STAT3: variants seen among roughly 807,000 people sequenced by gnomAD.
STAT3 encodes signal transducer and activator of transcription 3, also known as DNA-binding protein APRF.
Under a neutral mutation model 114.3 loss-of-function variants are expected in STAT3, and 7 were observed. The ratio of observed to expected loss-of-function variants is 0.06; its 90% confidence interval spans 0.03 to 0.11. The LOEUF is 0.11. Ranked by LOEUF, STAT3 falls within the 10% of genes least tolerant of loss-of-function variation. The pLI, the probability that STAT3 is intolerant of heterozygous loss-of-function variation, is 1.00. For missense variants in STAT3, 364 were observed against 960.9 expected (o/e 0.38, Z 8.21); for synonymous variants, 331 against 354.5 (o/e 0.93, Z 0.74).
At chr17:42,380,889 G>A (rs2084753971) in intron 1 of STAT3, among the ~76,000 whole-genome samples, 1 of 152,108 alleles carries the variant, frequency 6.6e-6, no homozygotes, top group African/African-American at 2.4e-5. Flanking sequence ...CTCCAGCCTA[G>A]GTGACAGAGT....
chr17:42,354,045 A>C (rs767602937), intron 1 of STAT3, among the ~76,000 whole-genome samples: 1 of 152,060 alleles, frequency 6.6e-6, no homozygotes, highest in African/African-American at 2.4e-5. Flanking sequence ...CATATCCTAA[A>C]AACGTGTAAG....
At position 42,339,402 on chromosome 17, in the gene STAT3, C is replaced by A; in HGVS notation, c.380G>T (p.Gly127Val). 2 of 1,614,004 alleles carry A rather than the reference C, an allele frequency of 1.2e-6. No individual in the cohort carries two copies. The highest frequency in any genetic ancestry group is 1.7e-6 in the Non-Finnish European group (2 of 1,179,946). Reference protein sequence around the residue: ...QTAATAAQQGGQANHPTAAVV... With the variant: ...QTAATAAQQGVQANHPTAAVV... ...GGCTGCTGTGGGGTGGTTGGCCTGG[C>A]CCCCTTGCTGCCAAAAAGGAGGTCA... Residue 127 changes from glycine to valine, a missense_variant, in exon 5 of 24, where the codon GGC becomes GTC. Physicochemically the swap from Gly to Val is moderately radical, Grantham distance 109. Around this residue, in one of 5 missense-constraint regions of STAT3, gnomAD observed 294 missense variants for 745.1 expected, o/e 0.39. Coordinates refer to ENST00000264657, the MANE Select transcript of STAT3 (RefSeq NM_139276.3).
intron 1 of STAT3, among the ~76,000 whole-genome samples, chr17:42,366,643 C>T (rs983124152): frequency 1.3e-4 from 18 of 137,578 alleles, no homozygotes; most frequent in African/African-American, 4.9e-4. Flanking sequence ...TGCACTCCAG[C>T]CTGGGAGACA....
chr17:42,360,676 A>G (rs2083467320), intron 1 of STAT3, among the ~76,000 whole-genome samples: 1 of 152,086 alleles, frequency 6.6e-6, no homozygotes. Flanking sequence ...GTTGATTTTT[A>G]AGTAACCCAC....
chr17:42,382,821 T>C (rs1432975096), intron 1 of STAT3, among the ~76,000 whole-genome samples: 1 of 151,526 alleles, frequency 6.6e-6, no homozygotes, highest in African/African-American at 2.4e-5. Context: ...TAATTTTTTG[T>C]ATTTTTAGTA....
At chr17:42,363,438 G>A (rs985221741) in intron 1 of STAT3, among the ~76,000 whole-genome samples, 1 of 151,830 alleles carries the variant, frequency 6.6e-6, no homozygotes, top group African/African-American at 2.4e-5. Context: ...CCTCTCTCCA[G>A]CCTACAGATG....
intron 1 of STAT3, among the ~76,000 whole-genome samples, chr17:42,354,067 T>C (rs2083102551): frequency 6.6e-6 from 1 of 152,166 alleles, no homozygotes; most frequent in African/African-American, 2.4e-5. Flanking sequence ...TATTGAAAAT[T>C]ATCTAATTCA....
Position 42,315,564 on chromosome 17 carries a change from T to C in STAT3, c.*181A>G. The C allele has an allele frequency of 1.5e-6, 1 of 666,898 alleles. No homozygotes were observed. The highest frequency in any genetic ancestry group is 2.7e-6 in the Non-Finnish European group (1 of 372,756). The allele number at this position is 666,898 out of a possible 1,614,324, so 41.3% of individuals were successfully genotyped here. ...ATAAAAGCAGATCACCCACATTCAC[T>C]CATTTCTCTATTTTTAAAAGTGCCC... On this transcript the variant is annotated 3_prime_UTR_variant, in exon 24 of 24. Coordinates refer to ENST00000264657, the MANE Select transcript of STAT3 (RefSeq NM_139276.3).
chr17:42,380,412 TCTCA>T lies in STAT3; in HGVS notation c.-24+7863_-24+7866del, dbSNP rs2084716605. Among the ~76,000 whole-genome samples the T allele has an allele frequency of 2.0e-5, 3 of 151,670 alleles. No individual in the cohort carries two copies. In the South Asian group the frequency reaches 6.3e-4, roughly 32 times the overall value. ...GTTTTTCGGTTTTTTTGAGACAGAG[TCTCA>T]CTCTGTCACCCAGGCTGTAGTGCAG... On this transcript the variant is annotated intron_variant, in intron 1 of 23. Coordinates refer to ENST00000264657, the MANE Select transcript of STAT3 (RefSeq NM_139276.3).
At chr17:42,370,729 G>A (rs1037831318) in intron 1 of STAT3, among the ~76,000 whole-genome samples, 1 of 150,794 alleles carries the variant, frequency 6.6e-6, no homozygotes, top group Non-Finnish European at 1.5e-5. Flanking sequence ...CCAAGTTCAA[G>A]CATGCACCAC....
rs201283409 is a variant in STAT3, at chr17:42,324,675, C to T, written c.1600+36G>A. 103 of 1,314,036 alleles carry T rather than the reference C, an allele frequency of 7.8e-5. 1 individual carries two copies. The highest frequency in any genetic ancestry group is 6.8e-4 in the South Asian group (49 of 72,076). 81.4% of individuals were successfully genotyped at this position (1,314,036 alleles called of 1,614,324 possible). On this transcript the variant is annotated intron_variant, in intron 17 of 23. Coordinates refer to ENST00000264657, the MANE Select transcript of STAT3 (RefSeq NM_139276.3). The surrounding 1 kb of genome is among the most constrained non-coding windows in gnomAD (Gnocchi z 4.5). ...CTATGGGCCGGATCCCTTTTCTGGG[C>T]GGGTGGGCGGGAGGGAGAAGGGGTG...
chr17:42,363,102 C>A (rs3785898), intron 1 of STAT3, among the ~76,000 whole-genome samples: 45,952 of 151,946 alleles, frequency 0.3, 7,273 homozygotes, highest in East Asian at 0.4. Context: ...ATAATAGGTG[C>A]TGAAAAAATA....
In STAT3 at chr17:42,313,993, G is replaced by A. The variant is rs1598375032; in HGVS notation, c.*1752C>T. On this transcript the variant is annotated 3_prime_UTR_variant, in exon 24 of 24. Transcript: ENST00000264657. Reference sequence around the variant, plus strand: ...ATCAGCTGAGGCAAGGTGGTTTTGAGTTGCCAAATCCGGCCATGCCTCTGA... The same window carrying A: ...ATCAGCTGAGGCAAGGTGGTTTTGAATTGCCAAATCCGGCCATGCCTCTGA... The A allele has an allele frequency of 4.3e-6, 1 of 231,098 alleles. No homozygotes were observed. Among genetic ancestry groups the A allele is most frequent in the Non-Finnish European group, 8.6e-6 (1 of 116,666 alleles). The allele number at this position is 231,098 out of a possible 1,614,324, so 14.3% of individuals were successfully genotyped here. A position where few individuals can be genotyped will look rare whatever the true frequency, so the allele number is the denominator to read the frequency against.
rs112987296 is a variant in STAT3, at chr17:42,384,494, A to G, written c.-24+3785T>C. Reference sequence around the variant, plus strand: ...ACTGAAATTCCTTGGTCCTGTATTCAATGTCTTTTGTAAGTAATCACTTCT... The same window carrying G: ...ACTGAAATTCCTTGGTCCTGTATTCGATGTCTTTTGTAAGTAATCACTTCT... On this transcript the variant is annotated intron_variant, in intron 1 of 23. Transcript: ENST00000264657. Among the ~76,000 whole-genome samples, 253 of 151,930 alleles carry G rather than the reference A, an allele frequency of 1.7e-3. 1 individual carries two copies. Among genetic ancestry groups the G allele is most frequent in the Middle Eastern group, 6.8e-3 (2 of 294 alleles).
chr17:42,326,150 T>G lies in STAT3; in HGVS notation c.1331A>C (p.Glu444Ala), dbSNP rs771888821. 3 of 1,613,978 alleles carry G rather than the reference T, an allele frequency of 1.9e-6. No individual in the cohort carries two copies. Among genetic ancestry groups the G allele is most frequent in the South Asian group, 1.1e-5 (1 of 91,086 alleles). ...AATCTTGAGGCCTTGGTGATACACC[T>G]CGGTCTCAAAGGTGATCAGGTGCAG... ...EELHLITFET[E>A]VYHQGLKIDL... The change falls in exon 15 of 24, where the codon GAG becomes GCG. Residue 444 changes from glutamate to alanine, a missense_variant. Around this residue, in one of 5 missense-constraint regions of STAT3, gnomAD observed 294 missense variants for 745.1 expected, o/e 0.39. Coordinates refer to ENST00000264657, the MANE Select transcript of STAT3 (RefSeq NM_139276.3).
intron 14 of STAT3, among the ~76,000 whole-genome samples, chr17:42,328,222 T>C (rs1250679404): frequency 6.6e-6 from 1 of 152,102 alleles, no homozygotes; most frequent in Non-Finnish European, 1.5e-5. Flanking sequence ...TTTCTTAATA[T>C]ACATATGAAT....
chr17:42,324,949 G>T lies in STAT3; in HGVS notation c.1464+14C>A. ...GAGATCCCGGGGCACCAACTAAAAG[G>T]AGGGGGCACTAACCTTGGGATTGTT... On this transcript the variant is annotated intron_variant, in intron 16 of 23. Coordinates refer to ENST00000264657, the MANE Select transcript of STAT3 (RefSeq NM_139276.3). The surrounding 1 kb of genome is among the most constrained non-coding windows in gnomAD (Gnocchi z 4.5). The T allele has an allele frequency of 6.2e-7, 1 of 1,614,182 alleles. No individual in the cohort carries two copies. Among genetic ancestry groups the T allele is most frequent in the Non-Finnish European group, 8.5e-7 (1 of 1,180,036 alleles).
At chr17:42,345,129 G>C (rs2144971746) in intron 4 of STAT3, among the ~76,000 whole-genome samples, 1 of 152,024 alleles carries the variant, frequency 6.6e-6, no homozygotes, top group East Asian at 2.0e-4. Context: ...GCTGGGTGTG[G>C]TGGCACACGC....
chr17:42,349,963 G>A (rs551654984), intron 1 of STAT3, among the ~76,000 whole-genome samples: 4 of 152,180 alleles, frequency 2.6e-5, no homozygotes, highest in African/African-American at 7.2e-5. Flanking sequence ...GGTTGAGGCA[G>A]GAGAATTGCT....
Sources: gnomAD v4.1 joint callset for allele counts (sites outside exome capture counted in the v4.1 genomes callset) on GRCh38, gnomAD v4.1.1 for gene constraint, gnomAD v4.1.1 regional missense constraint, Gnocchi (gnomAD v3.1) non-coding constraint, MANE v1.5 for transcripts, NCBI Gene and HGNC (gene_info 2026-07-23, HGNC 2026-07-21) for gene names.